IGF2: variants seen among roughly 807,000 people sequenced by gnomAD.
IGF2 encodes insulin like growth factor 2.
A neutral mutation model predicts 12.0 loss-of-function variants in IGF2; 2 were observed. That is an observed-to-expected ratio of 0.17 (90% CI 0.07 to 0.52). The LOEUF (loss-of-function observed/expected upper bound fraction) is 0.52. Among genes scored for constraint, IGF2 ranks in the 20% least tolerant of loss-of-function variants. The pLI, the probability that IGF2 is intolerant of heterozygous loss-of-function variation, is 0.95. For synonymous variants in IGF2, 105 were observed against 110.1 expected (o/e 0.95, Z 0.29); for missense variants, 211 against 268.0 (o/e 0.79, Z 1.48).
Position 2,129,122 on chromosome 11 carries a change from A to C in IGF2, c.*3865T>G, listed in dbSNP as rs1326817463. On this transcript the variant is annotated 3_prime_UTR_variant, in exon 4 of 4. Coordinates refer to ENST00000416167, the MANE Select transcript of IGF2 (RefSeq NM_000612.6). This position sits in a 1 kb window ranked among gnomAD's most constrained non-coding sequence, Gnocchi z 8.1. Reference sequence around the variant, plus strand: ...AGAGTGGAACACTCAGAAGATCATGACTTTTAATGCTTTATTGGGATTGCA... The same window carrying C: ...AGAGTGGAACACTCAGAAGATCATGCCTTTTAATGCTTTATTGGGATTGCA... 5.5e-6 allele frequency: 1 copy of C among 180,210 alleles called. No homozygotes were observed. Among genetic ancestry groups the C allele is most frequent in the Non-Finnish European group, 1.2e-5 (1 of 84,164 alleles). 11.2% of individuals were successfully genotyped at this position (180,210 alleles called of 1,614,324 possible). A position where few individuals can be genotyped will look rare whatever the true frequency, so the allele number is the denominator to read the frequency against.
upstream of IGF2, chr11:2,140,473 A>G (rs1859492280): frequency 4.9e-6 from 3 of 611,168 alleles, no homozygotes; most frequent in South Asian, 2.0e-5. Flanking sequence ...TCCGCCATCA[A>G]TCACTTCGCC....
At chr11:2,146,174 C>T (rs1211452155), upstream of IGF2, 1 of 508,810 alleles carries the variant, frequency 2.0e-6, no homozygotes, top group East Asian at 5.5e-5. Flanking sequence ...CAGCCTCGGC[C>T]TGTGGCTGCT....
Position 2,131,636 on chromosome 11 carries a change from CTG to C in IGF2, c.*1349_*1350del, listed in dbSNP as rs1203515973. Reference sequence around the variant, plus strand: ...TGTGTGTGCATGTGTGTGCTGTGTGCTGTGTTCATGTGTGTGCTGTGTGTGCG... The same window carrying C: ...TGTGTGTGCATGTGTGTGCTGTGTGCTGTTCATGTGTGTGCTGTGTGTGCG... On this transcript the variant is annotated 3_prime_UTR_variant, in exon 4 of 4. Transcript: ENST00000416167. 1 of 180,776 alleles carries C rather than the reference CTG, an allele frequency of 5.5e-6. No individual in the cohort carries two copies. The highest frequency in any genetic ancestry group is 8.0e-5 in the Admixed American group (1 of 12,474). 11.2% of individuals were successfully genotyped at this position (180,776 alleles called of 1,614,324 possible).
chr11:2,133,746 A>C lies in IGF2; in HGVS notation c.158-81T>G. 6.5e-7 allele frequency: 1 copy of C among 1,534,156 alleles called. No individual in the cohort carries two copies. Among genetic ancestry groups the C allele is most frequent in the Non-Finnish European group, 8.9e-7 (1 of 1,129,510 alleles). ...CCGGAGGCTGAAGGGGGAGCAAACC[A>C]CCCCTGCCCTCAGGCCAGGCCCTGG... On this transcript the variant is annotated intron_variant, in intron 2 of 3. Transcript: ENST00000416167. The surrounding 1 kb of genome is among the most constrained non-coding windows in gnomAD (Gnocchi z 8.9).
In IGF2 at chr11:2,130,303, C is replaced by A. The variant is rs1858448147; in HGVS notation, c.*2684G>T. 1 of 230,194 alleles carries A rather than the reference C, an allele frequency of 4.3e-6. No homozygotes were observed. The highest frequency in any genetic ancestry group is 1.8e-4 in the South Asian group (1 of 5,488). The allele number at this position is 230,194 out of a possible 1,614,324, so 14.3% of individuals were successfully genotyped here. ...GGACTTCTGGGGACCAGCCACTGTC[C>A]CCAGAAGCCAGGCCGGACAGTGGCC... On this transcript the variant is annotated 3_prime_UTR_variant, in exon 4 of 4. Transcript: ENST00000416167.
chr11:2,142,623 T>G (rs7481173), upstream of IGF2, among the ~76,000 whole-genome samples: 47,182 of 152,042 alleles, frequency 0.31, 8,074 homozygotes, highest in Admixed American at 0.45. This position sits in a 1 kb window ranked among gnomAD's most constrained non-coding sequence, Gnocchi z 5.7. Context: ...GGGTCCAGTG[T>G]GATCCTGGCC....
chr11:2,138,795 G>T lies in IGF2; in HGVS notation c.-573C>A. The T allele has an allele frequency of 1.1e-6, 1 of 948,072 alleles. No homozygotes were observed. The highest frequency in any genetic ancestry group is 1.3e-6 in the Non-Finnish European group (1 of 797,518). 58.7% of individuals were successfully genotyped at this position (948,072 alleles called of 1,614,324 possible). ...GAAAGAGCGGGGGCCGGGGCCAGAC[G>T]CCAAGAGGGGCGCGGGGAGCACAGA... On this transcript the variant is annotated 5_prime_UTR_variant, in exon 1 of 4. Transcript: ENST00000416167.
chr11:2,133,882 G>A lies in IGF2; in HGVS notation c.158-217C>T, dbSNP rs528616345. 6.6e-6 allele frequency among the ~76,000 whole-genome samples: 1 copy of A among 152,336 alleles called. No individual in the cohort carries two copies. Among genetic ancestry groups the A allele is most frequent in the African/African-American group, 2.4e-5 (1 of 41,584 alleles). On this transcript the variant is annotated intron_variant, in intron 2 of 3. Transcript: ENST00000416167. The surrounding 1 kb of genome is among the most constrained non-coding windows in gnomAD (Gnocchi z 8.9). ...AGGTGAGTGGGACCCAGACCAGCCC[G>A]TGGCCTCTGCTGCCTCCTTCCTCAG...
Position 2,132,441 on chromosome 11 carries a change from C to T in IGF2, c.*546G>A, listed in dbSNP as rs1316985538. 5.2e-6 allele frequency: 1 copy of T among 191,354 alleles called. No individual in the cohort carries two copies. Among genetic ancestry groups the T allele is most frequent in the Admixed American group, 6.2e-5 (1 of 16,212 alleles). 11.9% of individuals were successfully genotyped at this position (191,354 alleles called of 1,614,324 possible). A position where few individuals can be genotyped will look rare whatever the true frequency, so the allele number is the denominator to read the frequency against. On this transcript the variant is annotated 3_prime_UTR_variant, in exon 4 of 4. Coordinates refer to ENST00000416167, the MANE Select transcript of IGF2 (RefSeq NM_000612.6). ...CTTTGCTGGTTCAGGGACTCAAGTC[C>T]AGGCCAATTTGACTCAAAGTCCAAG...
the IGF2 span, chr11:2,147,906 C>T: frequency 1.1e-6 from 1 of 949,502 alleles, no homozygotes; most frequent in Non-Finnish European, 1.4e-6. The surrounding 1 kb of genome is among the most constrained non-coding windows in gnomAD (Gnocchi z 7.2). Flanking sequence ...CATCCCCCTC[C>T]CCGGGTTCCT....
At chr11:2,147,735 C>T in the IGF2 span, 15 of 1,249,020 alleles carry the variant, frequency 1.2e-5, no homozygotes, top group East Asian at 2.2e-4. The surrounding 1 kb of genome is among the most constrained non-coding windows in gnomAD (Gnocchi z 7.2). Flanking sequence ...GAGCTGGCAG[C>T]GATTCAGAGC....
intron 1 of IGF2, among the ~76,000 whole-genome samples, chr11:2,136,267 C>G (rs921675106): frequency 6.6e-6 from 1 of 152,260 alleles, no homozygotes; most frequent in East Asian, 1.9e-4. Context: ...CCCAAACACA[C>G]ACACACACGC....
rs567607522 is a variant in IGF2 at position 2,133,932 on chromosome 11, G to A, written c.158-267C>T. Among the ~76,000 whole-genome samples, 8 of 152,348 alleles carry A rather than the reference G, an allele frequency of 5.3e-5. No individual in the cohort carries two copies. Among genetic ancestry groups the A allele is most frequent in the Admixed American group, 4.6e-4 (7 of 15,308 alleles). On this transcript the variant is annotated intron_variant, in intron 2 of 3. Transcript: ENST00000416167. This position sits in a 1 kb window ranked among gnomAD's most constrained non-coding sequence, Gnocchi z 8.9. ...GATGAAAAATGGGCACAAGCTCTTG[G>A]TCCCACAACCAGAGGGACACCACCA... is the stretch of plus-strand genomic sequence containing the variant.
At chr11:2,134,775 G>C (rs1446443415) in intron 2 of IGF2, among the ~76,000 whole-genome samples, 2 of 152,130 alleles carry the variant, frequency 1.3e-5, no homozygotes, top group Non-Finnish European at 2.9e-5. Context: ...CCCCAGGCTG[G>C]AGAACCAAGA....
chr11:2,145,203 G>T (rs1472351540), upstream of IGF2, among the ~76,000 whole-genome samples: 2 of 152,114 alleles, frequency 1.3e-5, no homozygotes, highest in African/African-American at 4.8e-5. Context: ...CAGCTCTCTG[G>T]CCTCTCCGGC....
Position 2,138,517 on chromosome 11 carries a change from A to G in IGF2, c.-295T>C. On this transcript the variant is annotated 5_prime_UTR_variant, in exon 1 of 4. Coordinates refer to ENST00000416167, the MANE Select transcript of IGF2 (RefSeq NM_000612.6). The stretch of plus-strand genomic sequence containing the variant: ...AATGAGGTCAGCTGTTGTATCAAGG[A>G]TAGAGGGGGGCAGAGATAGTGGGAG... The G allele has an allele frequency of 1.3e-6, 1 of 774,394 alleles. No individual in the cohort carries two copies. Among genetic ancestry groups the G allele is most frequent in the Non-Finnish European group, 1.5e-6 (1 of 667,848 alleles). 48.0% of individuals were successfully genotyped at this position (774,394 alleles called of 1,614,324 possible). A position where few individuals can be genotyped will look rare whatever the true frequency, so the allele number is the denominator to read the frequency against.
At chr11:2,139,872 C>A (rs376762537), upstream of IGF2, among the ~76,000 whole-genome samples, 15 of 151,992 alleles carry the variant, frequency 9.9e-5, no homozygotes, top group East Asian at 7.8e-4. Context: ...CTGGTTGTTG[C>A]GGCTGAGGGG....
chr11:2,149,077 C>T, the IGF2 span: 18 of 1,571,328 alleles, frequency 1.1e-5, no homozygotes, highest in Middle Eastern at 1.7e-4. Context: ...CGCCTGAACA[C>T]TTAAAGTGCA....
chr11:2,146,433 C>T, the IGF2 span: 682 of 532,866 alleles, frequency 1.3e-3, 2 homozygotes, highest in African/African-American at 0.011. Context: ...TCAGCCCGGC[C>T]GGCCTGGGAA....
Sources: allele counts gnomAD v4.1 joint callset (sites outside exome capture counted in the v4.1 genomes callset), GRCh38; gene constraint gnomAD v4.1.1; non-coding constraint Gnocchi (gnomAD v3.1); transcripts MANE v1.5; gene names NCBI Gene and HGNC (gene_info 2026-07-23, HGNC 2026-07-21).